The following MICU3 variants were observed in gnomAD, a reference collection of about 807,000 sequenced individuals.
The protein encoded by MICU3 is calcium uptake protein 3, mitochondrial.
Under a neutral mutation model 66.5 loss-of-function variants are expected in MICU3, and 62 were observed. That is an observed-to-expected ratio of 0.93 (90% confidence interval 0.76 to 1.15). MICU3 has a LOEUF of 1.15. Ranked by LOEUF, MICU3 falls within the 50% of genes most tolerant of loss-of-function variation. MICU3 has a pLI of 0.00. For synonymous variants in MICU3, 308 were observed against 240.7 expected, an observed-to-expected ratio of 1.28 and a Z score of -2.59; for missense variants, 779 against 664.4, an observed-to-expected ratio of 1.17 and a Z score of -1.90.
rs1170292629 is a variant in MICU3 at position 17,120,505 on chromosome 8, T to G, written c.*218T>G. The stretch of plus-strand genomic sequence containing the variant: ...AAATGTTATATATATAAAATCAAGT[T>G]GAGCTTTGCCTTGATTTGCTGAACT... On this transcript the variant is annotated 3_prime_UTR_variant, in exon 15 of 15. Coordinates refer to ENST00000318063, the MANE Select transcript of MICU3 (RefSeq NM_181723.3). 6.6e-6 allele frequency: 1 copy of G among 152,134 alleles called. No individual in the cohort carries two copies. Among genetic ancestry groups the G allele is most frequent in the East Asian group, 1.9e-4 (1 of 5,198 alleles). The allele number at this position is 152,134 out of a possible 1,614,324, so 9.4% of individuals were successfully genotyped here.
At chr8:17,050,790 G>T (rs896659619) in intron 1 of MICU3, among the ~76,000 whole-genome samples, 2 of 152,124 alleles carry the variant, frequency 1.3e-5, no homozygotes, top group East Asian at 3.8e-4. Flanking sequence ...GTTTAACAGT[G>T]ACTCTTGTAG....
downstream of MICU3, among the ~76,000 whole-genome samples, chr8:17,126,400 A>C (rs1803406383): frequency 6.6e-6 from 1 of 152,176 alleles, no homozygotes; most frequent in South Asian, 2.1e-4. Context: ...ATACTGAAAA[A>C]AAAATTCCTT....
chr8:17,038,221 A>G (rs928853138), intron 1 of MICU3, among the ~76,000 whole-genome samples: 1 of 152,146 alleles, frequency 6.6e-6, no homozygotes, highest in Non-Finnish European at 1.5e-5. Context: ...TCCCACCCAC[A>G]TCTTGCCTTG....
At chr8:17,083,209 A>C (rs1821451618) in intron 5 of MICU3, among the ~76,000 whole-genome samples, 1 of 152,194 alleles carries the variant, frequency 6.6e-6, no homozygotes, top group East Asian at 1.9e-4. Context: ...CCACAAGACC[A>C]GATGAGCCAG....
In MICU3 at chr8:17,096,676, C is replaced by A. The variant is rs189630251; in HGVS notation, c.889-1782C>A. 2.0e-5 allele frequency among the ~76,000 whole-genome samples: 3 copies of A among 151,882 alleles called. No individual in the cohort carries two copies. The East Asian group carries it at 5.8e-4, about 29-fold the overall frequency. On this transcript the variant is annotated intron_variant, in intron 8 of 14. Coordinates refer to ENST00000318063, the MANE Select transcript of MICU3 (RefSeq NM_181723.3). ...GTAGTATATCCTAGCATTGTTTAATCCCTGAGGCTAAATGATGAACCAGAA... is the reference window on the plus strand; with the variant it reads ...GTAGTATATCCTAGCATTGTTTAATACCTGAGGCTAAATGATGAACCAGAA...
intron 8 of MICU3, among the ~76,000 whole-genome samples, chr8:17,091,648 G>A (rs1221690291): frequency 1.1e-4 from 17 of 151,988 alleles, no homozygotes; most frequent in Admixed American, 5.3e-4. Context: ...AACAAGCCAA[G>A]TCCATAGGAT....
chr8:17,120,431 G>A lies in MICU3; in HGVS notation c.*144G>A, dbSNP rs1202116507. The stretch of plus-strand genomic sequence containing the variant: ...ATGCTATGAAATTGATATTTTTTCT[G>A]GAACTGAATTCTTAAACATAAAACA... On this transcript the variant is annotated 3_prime_UTR_variant, in exon 15 of 15. Transcript: ENST00000318063. 4 of 151,882 alleles carry A rather than the reference G, an allele frequency of 2.6e-5. No homozygotes were observed. The highest frequency in any genetic ancestry group is 9.7e-5 in the African/African-American group (4 of 41,382). The allele number at this position is 151,882 out of a possible 1,614,324, so 9.4% of individuals were successfully genotyped here. A position where few individuals can be genotyped will look rare whatever the true frequency, so the allele number is the denominator to read the frequency against.
intron 7 of MICU3, among the ~76,000 whole-genome samples, 191 bp downstream of exon 7, chr8:17,087,226 A>T (rs1455012960): frequency 1.3e-5 from 2 of 152,076 alleles, no homozygotes; most frequent in Non-Finnish European, 2.9e-5. Context: ...AAATATTGAT[A>T]TTAAACATTT....
downstream of MICU3, among the ~76,000 whole-genome samples, chr8:17,127,480 GCACAGCCAAATGTCAGCCTTC>G (rs1803434701): frequency 2.5e-5 from 1 of 39,376 alleles, no homozygotes; most frequent in Non-Finnish European, 4.8e-5. Context: ...GCCTATTAAA[GCACAGCCAAATGTCAGCCTTC>G]ATTTGTCAAC....
At chr8:17,083,045 A>C (rs1361658010) in intron 5 of MICU3, among the ~76,000 whole-genome samples, 1 of 152,134 alleles carries the variant, frequency 6.6e-6, no homozygotes, top group African/African-American at 2.4e-5. Context: ...TTTTTACTCA[A>C]ATGAATTTCC....
chr8:17,138,410 A>C, the MICU3 span, among the ~76,000 whole-genome samples: 10 of 152,166 alleles, frequency 6.6e-5, no homozygotes, highest in Non-Finnish European at 1.5e-5. Flanking sequence ...AGGGTGGTGG[A>C]CCACGAGGAA....
At chr8:17,085,594 C>T (rs1187111758) in intron 6 of MICU3, among the ~76,000 whole-genome samples, 1 of 152,048 alleles carries the variant, frequency 6.6e-6, no homozygotes, top group African/African-American at 2.4e-5. Flanking sequence ...GGATAACAGG[C>T]AGTCCTCAGG....
intron 7 of MICU3, among the ~76,000 whole-genome samples, chr8:17,087,899 A>G (rs1232248715): frequency 6.6e-6 from 1 of 152,024 alleles, no homozygotes; most frequent in Non-Finnish European, 1.5e-5. Context: ...TTGGCATGTA[A>G]ATGACATTTG....
intron 1 of MICU3, among the ~76,000 whole-genome samples, chr8:17,044,093 C>A (rs551568189): frequency 6.6e-6 from 1 of 152,150 alleles, no homozygotes; most frequent in Non-Finnish European, 1.5e-5. Flanking sequence ...AGGAGAGCAA[C>A]AATTTGTGTC....
intron 5 of MICU3, among the ~76,000 whole-genome samples, chr8:17,083,132 G>C (rs781750122): frequency 6.6e-6 from 1 of 152,008 alleles, no homozygotes; most frequent in Admixed American, 6.6e-5. Context: ...CTGGTTGGTC[G>C]GGTCAAAGAT....
At chr8:17,083,238 G>A (rs1821456970) in intron 5 of MICU3, among the ~76,000 whole-genome samples, 1 of 152,050 alleles carries the variant, frequency 6.6e-6, no homozygotes, top group Admixed American at 6.6e-5. Flanking sequence ...TCTGTGTAGT[G>A]ACAGCTGATC....
the MICU3 span, chr8:17,131,852 A>G: frequency 3.3e-5 from 5 of 152,316 alleles, no homozygotes; most frequent in African/African-American, 1.2e-4. Flanking sequence ...TCCAAAATCC[A>G]TCTTCATTTA....
chr8:17,042,326 G>T (rs1814280616), intron 1 of MICU3, among the ~76,000 whole-genome samples: 1 of 152,146 alleles, frequency 6.6e-6, no homozygotes, highest in African/African-American at 2.4e-5. Flanking sequence ...TCCTGTAATT[G>T]TGCCAAACGC....
chr8:17,109,576 C>T (rs546881801), intron 11 of MICU3, among the ~76,000 whole-genome samples: 3 of 152,118 alleles, frequency 2.0e-5, no homozygotes, highest in African/African-American at 7.2e-5. Context: ...GATTTAGAGC[C>T]GTTTGTAGAC....
Sources: gnomAD v4.1 joint callset for allele counts (sites outside exome capture counted in the v4.1 genomes callset) on GRCh38, gnomAD v4.1.1 for gene constraint, MANE v1.5 for transcripts, NCBI Gene and HGNC (gene_info 2026-07-23, HGNC 2026-07-21) for gene names.